The following CSMD3 variants were observed in gnomAD, a reference collection of about 807,000 sequenced individuals.
The protein encoded by CSMD3 is CUB and sushi domain-containing protein 3.
A neutral mutation model predicts 435.2 loss-of-function variants in CSMD3; 177 were observed. The ratio of observed to expected loss-of-function variants is 0.41; its 90% CI spans 0.36 to 0.46. The LOEUF is 0.46. Among genes scored for constraint, CSMD3 ranks in the 20% least tolerant of loss-of-function variants. The probability of loss-of-function intolerance (pLI) is 0.34; values close to 1 mark genes in which losing one functional copy is unlikely to be tolerated. For missense variants in CSMD3, 4,265 were observed against 4,504.6 expected, an observed-to-expected ratio of 0.95 and a Z score of 1.52; for synonymous variants, 1,656 against 1,520.5, an observed-to-expected ratio of 1.09 and a Z score of -2.07.
chr8:112,762,781 G>A (rs913436862), intron 13 of CSMD3, among the ~76,000 whole-genome samples: 2 of 151,724 alleles, frequency 1.3e-5, no homozygotes, highest in East Asian at 1.9e-4. Flanking sequence ...ACCAGTGAGA[G>A]GGCTATAGTG....
chr8:113,132,868 T>C (rs2091319540), intron 4 of CSMD3, among the ~76,000 whole-genome samples: 1 of 152,136 alleles, frequency 6.6e-6, no homozygotes, highest in Non-Finnish European at 1.5e-5. Context: ...TGTTATGAAC[T>C]GCAAAATGTA....
At chr8:112,986,565 T>G (rs187756669) in intron 6 of CSMD3, among the ~76,000 whole-genome samples, 58 of 152,232 alleles carry the variant, frequency 3.8e-4, no homozygotes, top group Admixed American at 2.6e-3. Flanking sequence ...ACCATTTTAG[T>G]ATTAAAACCA....
At chr8:112,306,315 A>C (rs1821417832) in intron 50 of CSMD3, 123 bp from the exon 51 acceptor site, 1 of 725,514 alleles carries the variant, frequency 1.4e-6, no homozygotes, top group Non-Finnish European at 2.4e-6. Context: ...CTCTGAAACA[A>C]TCTCAGAATC....
intron 42 of CSMD3, among the ~76,000 whole-genome samples, chr8:112,338,711 T>C (rs1824806654): frequency 6.6e-6 from 1 of 152,138 alleles, no homozygotes. Context: ...TTCTTTAAAA[T>C]GTTAAGTGCT....
chr8:112,553,792 G>A (rs16883807), intron 25 of CSMD3, among the ~76,000 whole-genome samples: 3 of 151,976 alleles, frequency 2.0e-5, no homozygotes, highest in Non-Finnish European at 4.4e-5. Flanking sequence ...GATAACACTA[G>A]AATCTAATGG....
At chr8:113,318,018 G>A (rs1361023326) in intron 1 of CSMD3, among the ~76,000 whole-genome samples, 1 of 152,026 alleles carries the variant, frequency 6.6e-6, no homozygotes, top group Non-Finnish European at 1.5e-5. Context: ...ACGGTCTAAT[G>A]AGCAACTGTG....
intron 4 of CSMD3, among the ~76,000 whole-genome samples, chr8:113,100,170 A>C (rs1334029743): frequency 4.6e-5 from 7 of 152,216 alleles, no homozygotes; most frequent in Non-Finnish European, 1.0e-4. Context: ...ATAATCTATA[A>C]ATCAAAAATG....
chr8:112,286,350 T>G (rs1819197716), intron 58 of CSMD3, among the ~76,000 whole-genome samples: 1 of 152,110 alleles, frequency 6.6e-6, no homozygotes, highest in African/African-American at 2.4e-5. Context: ...ATTCCAGAAA[T>G]AGCCAATCCA....
intron 61 of CSMD3, among the ~76,000 whole-genome samples, chr8:112,256,828 T>C (rs1186826597): frequency 6.6e-6 from 1 of 152,146 alleles, no homozygotes; most frequent in African/African-American, 2.4e-5. Flanking sequence ...CTTAGGAGGA[T>C]TATAGGTTGG....
intron 1 of CSMD3, among the ~76,000 whole-genome samples, chr8:113,427,900 G>T (rs2094645423): frequency 6.6e-6 from 1 of 151,462 alleles, no homozygotes; most frequent in African/African-American, 2.4e-5. Context: ...TTTTATATGT[G>T]AAGTTCATAA....
intron 48 of CSMD3, 47 bp downstream of exon 48, chr8:112,314,382 A>G: frequency 1.5e-6 from 2 of 1,314,502 alleles, no homozygotes; most frequent in Non-Finnish European, 2.2e-6. Context: ...TAATTAGAAC[A>G]TTTGTACTTA....
intron 19 of CSMD3, 22 bp from the exon 20 acceptor site, chr8:112,645,247 C>G (rs759057863): frequency 8.1e-7 from 1 of 1,232,662 alleles, no homozygotes; most frequent in South Asian, 1.2e-5. Context: ...AGAAACAGAT[C>G]CATGTGATCA....
rs556135780 is a variant in CSMD3 at position 113,264,237 on chromosome 8, A to T, written c.514+14355T>A. On this transcript the variant is annotated intron_variant, in intron 3 of 70. Transcript: ENST00000297405. ...TTATACCACTATTTTTGCACTATCA[A>T]TTATAACAACTATTACTCTGTATGG... Among the ~76,000 whole-genome samples, 161 of 151,660 alleles carry T rather than the reference A, an allele frequency of 1.1e-3. No individual in the cohort carries two copies. The Middle Eastern group carries it at 0.011, about 10-fold the overall frequency.
intron 13 of CSMD3, among the ~76,000 whole-genome samples, chr8:112,776,126 T>C (rs1304897473): frequency 6.6e-6 from 1 of 151,832 alleles, no homozygotes; most frequent in Non-Finnish European, 1.5e-5. Context: ...TAGAGCCTCA[T>C]TTACATTTTC....
At chr8:112,940,144 C>T (rs1011737511) in intron 9 of CSMD3, among the ~76,000 whole-genome samples, 2 of 151,854 alleles carry the variant, frequency 1.3e-5, no homozygotes, top group African/African-American at 2.4e-5. Flanking sequence ...GGTTGATTTA[C>T]ATTATGATAA....
intron 9 of CSMD3, among the ~76,000 whole-genome samples, chr8:112,927,419 C>T (rs1296343110): frequency 1.3e-5 from 2 of 152,068 alleles, no homozygotes; most frequent in Non-Finnish European, 1.5e-5. Context: ...ATTCCTCCAA[C>T]TAGTTTGGGA....
At chr8:112,568,139 T>C (rs573229851) in intron 24 of CSMD3, among the ~76,000 whole-genome samples, 79 of 152,148 alleles carry the variant, frequency 5.2e-4, no homozygotes, top group Non-Finnish European at 1.0e-3. Flanking sequence ...CTCACACATG[T>C]TTTATATTCA....
chr8:113,396,582 CTTTT>C (rs890681550), intron 1 of CSMD3, among the ~76,000 whole-genome samples: 60 of 151,922 alleles, frequency 3.9e-4, no homozygotes, highest in African/African-American at 1.4e-3. Context: ...GGTAATTTGT[CTTTT>C]TTTTACATAG....
chr8:112,364,780 G>A (rs1354788070), intron 38 of CSMD3, among the ~76,000 whole-genome samples: 5 of 151,972 alleles, frequency 3.3e-5, no homozygotes, highest in African/African-American at 1.2e-4. Context: ...CAATAAAAAT[G>A]ATTATGCATG....
Sources: allele counts gnomAD v4.1 joint callset (sites outside exome capture counted in the v4.1 genomes callset), GRCh38; gene constraint gnomAD v4.1.1; transcripts MANE v1.5; gene names NCBI Gene and HGNC (gene_info 2026-07-23, HGNC 2026-07-21).